The following MGAT4C variants were observed in gnomAD, a reference collection of about 807,000 sequenced individuals.
MGAT4C encodes MGAT4 family member C.
Under a neutral mutation model 40.1 loss-of-function variants are expected in MGAT4C, and 19 were observed. That is an observed-to-expected ratio of 0.47 (90% confidence interval 0.33 to 0.70). The LOEUF (loss-of-function observed/expected upper bound fraction) is 0.70. MGAT4C is among the 30% of genes least tolerant of loss of function. The pLI is 0.02. For missense variants in MGAT4C, 491 were observed against 563.2 expected, an observed-to-expected ratio of 0.87 and a Z score of 1.30; for synonymous variants, 181 against 187.1, an observed-to-expected ratio of 0.97 and a Z score of 0.27.
chr12:86,442,448 A>C (rs1047106967), intron 2 of MGAT4C, among the ~76,000 whole-genome samples: 1 of 152,068 alleles, frequency 6.6e-6, no homozygotes, highest in African/African-American at 2.4e-5. Flanking sequence ...GTATTGACTA[A>C]GTTTTTTTCT....
chr12:86,698,083 T>C (rs552178098), intron 2 of MGAT4C, among the ~76,000 whole-genome samples: 13 of 150,680 alleles, frequency 8.6e-5, no homozygotes, highest in African/African-American at 3.2e-4. Flanking sequence ...TGTGTATTTG[T>C]TATATCATTT....
intron 3 of MGAT4C, among the ~76,000 whole-genome samples, chr12:85,987,116 A>ATTTTTTTTTTT (rs869139864): frequency 1.4e-5 from 1 of 73,830 alleles, no homozygotes; most frequent in African/African-American, 5.7e-5. Flanking sequence ...TAAAATAATA[A>ATTTTTTTTTTT]TTTTTTTTTT....
chr12:86,825,547 A>C (rs561491532), intron 1 of MGAT4C, among the ~76,000 whole-genome samples: 111 of 151,586 alleles, frequency 7.3e-4, no homozygotes, highest in African/African-American at 2.6e-3. Flanking sequence ...TTGAAGACAA[A>C]ATAGTAATGG....
intron 3 of MGAT4C, among the ~76,000 whole-genome samples, chr12:86,358,582 C>T (rs1030162350): frequency 1.3e-5 from 2 of 152,042 alleles, no homozygotes. Flanking sequence ...TCAGGAGGCC[C>T]ATCTCATGTG....
intron 4 of MGAT4C, among the ~76,000 whole-genome samples, chr12:86,317,334 A>G (rs1040282213): frequency 2.6e-5 from 4 of 152,110 alleles, no homozygotes; most frequent in Non-Finnish European, 5.9e-5. Context: ...AAATAATATC[A>G]TTAGTTGAAG....
At chr12:86,061,149 A>G (rs939167768) in intron 1 of MGAT4C, among the ~76,000 whole-genome samples, 5 of 152,082 alleles carry the variant, frequency 3.3e-5, no homozygotes, top group South Asian at 4.1e-4. Flanking sequence ...TGCATTTCCA[A>G]CTGAGGTACC....
At chr12:86,209,327 A>C (rs1950372414) in intron 1 of MGAT4C, among the ~76,000 whole-genome samples, 1 of 152,100 alleles carries the variant, frequency 6.6e-6, no homozygotes, top group African/African-American at 2.4e-5. Context: ...TCTAAAATAA[A>C]ACAAAGATAA....
chr12:86,469,257 T>C (rs1003843176), intron 2 of MGAT4C, among the ~76,000 whole-genome samples: 7 of 152,152 alleles, frequency 4.6e-5, no homozygotes, highest in Non-Finnish European at 2.9e-5. Context: ...TTTACCCTGT[T>C]GTGTAAGGCT....
intron 2 of MGAT4C, among the ~76,000 whole-genome samples, chr12:86,517,773 G>A (rs577412212): frequency 2.6e-5 from 4 of 152,218 alleles, no homozygotes; most frequent in African/African-American, 7.2e-5. Flanking sequence ...AGCCTCCCGA[G>A]TAGCTGGGAC....
chr12:86,335,422 A>G (rs1395762838), intron 3 of MGAT4C, among the ~76,000 whole-genome samples: 1 of 152,092 alleles, frequency 6.6e-6, no homozygotes, highest in Admixed American at 6.6e-5. Flanking sequence ...CCCAGTCTCT[A>G]TGGGAGAGTA....
At chr12:86,389,764 C>A (rs2136227279) in intron 3 of MGAT4C, among the ~76,000 whole-genome samples, 1 of 152,132 alleles carries the variant, frequency 6.6e-6, no homozygotes, top group African/African-American at 2.4e-5. Context: ...GCTGAAGGTT[C>A]TTTTCCAAAT....
intron 2 of MGAT4C, among the ~76,000 whole-genome samples, chr12:86,565,356 A>G (rs1960045924): frequency 6.6e-6 from 1 of 152,066 alleles, no homozygotes; most frequent in Admixed American, 6.5e-5. Flanking sequence ...GAAGTTCCCT[A>G]TGATCAGTTG....
At chr12:86,757,271 C>G (rs895543147) in intron 1 of MGAT4C, among the ~76,000 whole-genome samples, 7 of 152,026 alleles carry the variant, frequency 4.6e-5, no homozygotes, top group Non-Finnish European at 5.9e-5. Flanking sequence ...ATGTAGGTGA[C>G]AGGTTGATGG....
chr12:86,504,031 T>TA (rs1226732654), intron 2 of MGAT4C, among the ~76,000 whole-genome samples: 4 of 151,690 alleles, frequency 2.6e-5, no homozygotes, highest in Non-Finnish European at 1.5e-5. Flanking sequence ...AAAAGGCATT[T>TA]AAAATGTAGG....
At chr12:86,283,806 A>G (rs1206995918) in intron 4 of MGAT4C, among the ~76,000 whole-genome samples, 1 of 152,096 alleles carries the variant, frequency 6.6e-6, no homozygotes, top group East Asian at 1.9e-4. Flanking sequence ...TGACATGTTT[A>G]TAGCTGTTGG....
At chr12:86,078,632 T>C (rs1308194890) in intron 1 of MGAT4C, among the ~76,000 whole-genome samples, 1 of 152,202 alleles carries the variant, frequency 6.6e-6, no homozygotes, top group African/African-American at 2.4e-5. Flanking sequence ...TCGCTGCTGC[T>C]GGCAAATTGG....
chr12:86,765,606 C>A lies in MGAT4C; in HGVS notation c.-261-38365G>T, dbSNP rs139980174. On this transcript the variant is annotated intron_variant, in intron 1 of 7. Transcript: ENST00000548651. ...GAAATGAAGGAAAAAATGTAAAGGG[C>A]AGCCAGAGAGAAAGGTCGGGTTACC... Among the ~76,000 whole-genome samples the A allele has an allele frequency of 3.4e-3, 517 of 152,234 alleles. 1 individual carries two copies. Among genetic ancestry groups the A allele is most frequent in the Non-Finnish European group, 5.5e-3 (375 of 68,018 alleles).
intron 2 of MGAT4C, among the ~76,000 whole-genome samples, chr12:86,485,600 T>C (rs1334292057): frequency 2.6e-5 from 4 of 152,088 alleles, no homozygotes; most frequent in Non-Finnish European, 5.9e-5. Flanking sequence ...ATACAACATT[T>C]TACTCCCTGG....
chr12:86,378,806 C>T (rs575759983), intron 3 of MGAT4C, among the ~76,000 whole-genome samples: 15 of 152,166 alleles, frequency 9.9e-5, no homozygotes, highest in South Asian at 4.1e-4. Flanking sequence ...TGTTGGCTGA[C>T]GAAGTTGCAA....
Sources: gnomAD v4.1 joint callset for allele counts (sites outside exome capture counted in the v4.1 genomes callset) on GRCh38, gnomAD v4.1.1 for gene constraint, MANE v1.5 for transcripts, NCBI Gene and HGNC (gene_info 2026-07-23, HGNC 2026-07-21) for gene names.